Variants in ZFP3 observed in about 807,000 individuals in gnomAD.
The protein encoded by ZFP3 is zinc finger protein 3 homolog.
Under a neutral mutation model 36.7 loss-of-function variants are expected in ZFP3, and 18 were observed. The ratio of observed to expected loss-of-function variants is 0.49; its 90% CI spans 0.34 to 0.73. The LOEUF (loss-of-function observed/expected upper bound fraction) is 0.73, where lower values mean the gene tolerates loss of function less well. Among genes scored for constraint, ZFP3 ranks in the 30% least tolerant of loss-of-function variants. The pLI, the probability that ZFP3 is intolerant of heterozygous loss-of-function variation, is 0.01. For missense variants in ZFP3, 495 were observed against 599.0 expected, an observed-to-expected ratio of 0.83 and a Z score of 1.81; for synonymous variants, 218 against 199.0, an observed-to-expected ratio of 1.10 and a Z score of -0.81.
At chr17:5,080,576 G>A (rs2072088092) in intron 1 of ZFP3, among the ~76,000 whole-genome samples, 1 of 152,010 alleles carries the variant, frequency 6.6e-6, no homozygotes, top group South Asian at 2.1e-4. Flanking sequence ...TATTATTTTT[G>A]AGGTATTAAA....
At position 5,095,084 on chromosome 17, in the gene ZFP3, C is replaced by T. The variant is rs938418596; in HGVS notation, c.*2071C>T. 4.2e-5 allele frequency: 7 copies of T among 167,084 alleles called. No homozygotes were observed. Among genetic ancestry groups the T allele is most frequent in the Non-Finnish European group, 1.0e-4 (7 of 68,126 alleles). The allele number at this position is 167,084 out of a possible 1,614,324, so 10.4% of individuals were successfully genotyped here. On this transcript the variant is annotated 3_prime_UTR_variant, in exon 2 of 2. Coordinates refer to ENST00000318833, the MANE Select transcript of ZFP3 (RefSeq NM_153018.3). ...GAAACCCTTTGCACAGTTTCTATTA[C>T]TGATTTCTATGTAGATTTGAATATA...
chr17:5,081,014 G>C (rs1251160374), intron 1 of ZFP3, among the ~76,000 whole-genome samples: 1 of 151,900 alleles, frequency 6.6e-6, no homozygotes, highest in Non-Finnish European at 1.5e-5. Flanking sequence ...TGTCAGTGCT[G>C]CCTGGCTCAT....
intron 1 of ZFP3, among the ~76,000 whole-genome samples, chr17:5,088,289 G>A (rs1252205411): frequency 3.3e-5 from 5 of 151,952 alleles, no homozygotes; most frequent in Admixed American, 3.3e-4. Context: ...CCATCTTTGA[G>A]TCCTCCCTCC....
At chr17:5,086,128 A>T (rs1211279445) in intron 1 of ZFP3, among the ~76,000 whole-genome samples, 1 of 152,246 alleles carries the variant, frequency 6.6e-6, no homozygotes, top group Non-Finnish European at 1.5e-5. Flanking sequence ...GGAAAATGAG[A>T]GAAGATGCTG....
intron 1 of ZFP3, among the ~76,000 whole-genome samples, chr17:5,088,568 C>T (rs1221188351): frequency 6.6e-6 from 1 of 151,896 alleles, no homozygotes; most frequent in Non-Finnish European, 1.5e-5. Flanking sequence ...CCCGCCTTGG[C>T]CTCCCAAAGT....
chr17:5,088,301 T>TA (rs1402447918), intron 1 of ZFP3, among the ~76,000 whole-genome samples: 2 of 152,056 alleles, frequency 1.3e-5, no homozygotes, highest in East Asian at 3.9e-4. Flanking sequence ...CCTCCCTCCT[T>TA]ACACCTATCT....
chr17:5,092,224 T>G lies in ZFP3; in HGVS notation c.720T>G (p.Leu240=). ...CGKAFSQNSA[L]ILHQRIHTGE... is the part of the protein sequence containing the mutation. ...AAGCCTTCAGTCAAAATTCAGCCCT[T>G]ATTCTACACCAGAGAATCCATACTG... The change falls in exon 2 of 2, where the codon CTT becomes CTG. Residue 240 remains leucine (L), a synonymous_variant. Coordinates refer to ENST00000318833, the MANE Select transcript of ZFP3 (RefSeq NM_153018.3). The surrounding 1 kb of genome is among the most constrained non-coding windows in gnomAD (Gnocchi z 5.0). 1.2e-6 allele frequency: 2 copies of G among 1,614,110 alleles called. No homozygotes were observed. Among genetic ancestry groups the G allele is most frequent in the Non-Finnish European group, 1.7e-6 (2 of 1,180,026 alleles).
At chr17:5,081,383 C>T (rs1413063917) in intron 1 of ZFP3, among the ~76,000 whole-genome samples, 2 of 152,126 alleles carry the variant, frequency 1.3e-5, no homozygotes, top group Non-Finnish European at 2.9e-5. Flanking sequence ...TGCTATAGTG[C>T]AGTGGTCTTC....
chr17:5,086,796 T>C (rs1352173891), intron 1 of ZFP3, among the ~76,000 whole-genome samples: 4 of 150,626 alleles, frequency 2.7e-5, no homozygotes, highest in East Asian at 1.9e-4. Context: ...GGTGTGATCT[T>C]GGCTCACTGC....
At position 5,080,525 on chromosome 17, in the gene ZFP3, A is replaced by G. The variant is rs545163241; in HGVS notation, c.-9+1950A>G. 2.0e-5 allele frequency among the ~76,000 whole-genome samples: 3 copies of G among 152,226 alleles called. 1 individual carries two copies. The highest frequency in any genetic ancestry group is 4.1e-4 in the South Asian group (2 of 4,820). ...ACATTTGCAAGTTGACATCCAAAAC[A>G]TTTCCATTTCTCATCATAAATTTTA... is the stretch of plus-strand genomic sequence containing the variant. On this transcript the variant is annotated intron_variant, in intron 1 of 1. Coordinates refer to ENST00000318833, the MANE Select transcript of ZFP3 (RefSeq NM_153018.3).
chr17:5,087,694 CAGTG>C (rs1371721452), intron 1 of ZFP3, among the ~76,000 whole-genome samples: 10 of 152,158 alleles, frequency 6.6e-5, no homozygotes, highest in African/African-American at 2.4e-4. Flanking sequence ...GGAACCCAGA[CAGTG>C]AGACTACTGA....
Position 5,092,103 on chromosome 17 carries a change from A to T in ZFP3, c.599A>T (p.Asn200Ile), listed in dbSNP as rs1192763112. 1 of 1,614,232 alleles carries T rather than the reference A, an allele frequency of 6.2e-7. No individual in the cohort carries two copies. Among genetic ancestry groups the T allele is most frequent in the East Asian group, 2.2e-5 (1 of 44,886 alleles). ...GCTGGAGAAAAACCCTTTGCTTGTA[A>T]TGAATGTGGAAAGGCCTTCATTCAG... The part of the protein sequence containing the change: ...IHAGEKPFAC[N>I]ECGKAFIQSS... The change falls in exon 2 of 2, where the codon AAT becomes ATT. Residue 200 changes from asparagine to isoleucine, a missense_variant. Asn to Ile is a moderately radical substitution (Grantham distance 149, BLOSUM62 -3). This residue lies in a region of ZFP3 where 229 missense variants were observed against 233.8 expected (regional missense o/e 0.98). Transcript: ENST00000318833. This position sits in a 1 kb window ranked among gnomAD's most constrained non-coding sequence, Gnocchi z 5.0.
At position 5,093,976 on chromosome 17, in the gene ZFP3, C is replaced by T. The variant is rs2072165582; in HGVS notation, c.*963C>T. The T allele has an allele frequency of 6.0e-6, 1 of 167,150 alleles. No individual in the cohort carries two copies. Among genetic ancestry groups the T allele is most frequent in the Non-Finnish European group, 1.5e-5 (1 of 68,182 alleles). The allele number at this position is 167,150 out of a possible 1,614,324, so 10.4% of individuals were successfully genotyped here. The stretch of plus-strand genomic sequence containing the variant: ...AGAATTCTGCTGCATATATTTTTAG[C>T]CCCATCTCCTGCCACTGCTGACAGA... On this transcript the variant is annotated 3_prime_UTR_variant, in exon 2 of 2. Transcript: ENST00000318833.
At chr17:5,082,548 C>T (rs2072099621) in intron 1 of ZFP3, among the ~76,000 whole-genome samples, 1 of 151,988 alleles carries the variant, frequency 6.6e-6, no homozygotes, top group African/African-American at 2.4e-5. Context: ...TTTTTTGAGA[C>T]AGGGTCTCTT....
At chr17:5,088,434 C>T (rs1306743165) in intron 1 of ZFP3, among the ~76,000 whole-genome samples, 5 of 151,994 alleles carry the variant, frequency 3.3e-5, no homozygotes, top group Non-Finnish European at 5.9e-5. Context: ...ATGACTGCAG[C>T]AGCCTCCCAG....
In ZFP3 at chr17:5,088,615, A is replaced by C. The variant is rs544206264; in HGVS notation, c.-8-2882A>C. Among the ~76,000 whole-genome samples the C allele has an allele frequency of 4.7e-5, 7 of 147,756 alleles. No individual in the cohort carries two copies. In the East Asian group the frequency reaches 1.4e-3, roughly 30 times the overall value. ...AGGCGCCCGCCACCATGCCCGGCTAATTTTTTGTATTTTTAGTAGAGACGG... is the reference window on the plus strand; with the variant it reads ...AGGCGCCCGCCACCATGCCCGGCTACTTTTTTGTATTTTTAGTAGAGACGG... On this transcript the variant is annotated intron_variant, in intron 1 of 1. Transcript: ENST00000318833.
At position 5,092,428 on chromosome 17, in the gene ZFP3, A is replaced by C. The variant is rs145806499; in HGVS notation, c.924A>C (p.Pro308=). ...RHQKIHTGEK[P]YLCNECGKGF... ...AGAAAATTCATACTGGAGAAAAACC[A>C]TATCTGTGTAATGAATGTGGGAAGG... The change falls in exon 2 of 2, where the codon CCA becomes CCC. Residue 308 remains proline, a synonymous_variant. Coordinates refer to ENST00000318833, the MANE Select transcript of ZFP3 (RefSeq NM_153018.3). The surrounding 1 kb of genome is among the most constrained non-coding windows in gnomAD (Gnocchi z 5.0). 2 of 1,614,172 alleles carry C rather than the reference A, an allele frequency of 1.2e-6. No homozygotes were observed. Among genetic ancestry groups the C allele is most frequent in the Non-Finnish European group, 1.7e-6 (2 of 1,180,046 alleles).
intron 1 of ZFP3, among the ~76,000 whole-genome samples, chr17:5,086,755 T>C (rs1353823592): frequency 1.4e-5 from 2 of 138,146 alleles, no homozygotes; most frequent in Admixed American, 1.6e-4. Flanking sequence ...TGAGACGGAG[T>C]CTCGCTCTGT....
chr17:5,088,649 C>T (rs560045332), intron 1 of ZFP3, among the ~76,000 whole-genome samples: 14 of 152,130 alleles, frequency 9.2e-5, no homozygotes, highest in Admixed American at 4.6e-4. Context: ...GGGGTTTCAC[C>T]GTGTTAGCCA....
Sources: allele counts gnomAD v4.1 joint callset (sites outside exome capture counted in the v4.1 genomes callset), GRCh38; gene constraint gnomAD v4.1.1; regional missense constraint gnomAD v4.1.1; non-coding constraint Gnocchi (gnomAD v3.1); transcripts MANE v1.5; gene names NCBI Gene and HGNC (gene_info 2026-07-23, HGNC 2026-07-21).